The following CACNA2D3 variants were observed in gnomAD, a reference collection of about 807,000 sequenced individuals.
The protein encoded by CACNA2D3 is voltage-dependent calcium channel subunit alpha-2/delta-3.
A neutral mutation model predicts 160.6 loss-of-function variants in CACNA2D3; 60 were observed. The ratio of observed to expected loss-of-function variants is 0.37; its 90% confidence interval spans 0.30 to 0.46. The LOEUF (loss-of-function observed/expected upper bound fraction) is 0.46. Ranked by LOEUF, CACNA2D3 falls within the 20% of genes least tolerant of loss-of-function variation. CACNA2D3 has a pLI of 1.00. For missense variants in CACNA2D3, 1,205 were observed against 1,365.0 expected (o/e 0.88, Z 1.85); for synonymous variants, 558 against 492.9 (o/e 1.13, Z -1.75).
intron 27 of CACNA2D3, among the ~76,000 whole-genome samples, chr3:54,949,029 T>C (rs1039916848): frequency 2.0e-5 from 3 of 152,228 alleles, no homozygotes; most frequent in African/African-American, 4.8e-5. Flanking sequence ...GTCTCTTGTT[T>C]TACTTTTCTT....
intron 14 of CACNA2D3, among the ~76,000 whole-genome samples, chr3:54,829,102 CCA>C (rs961487252): frequency 2.2e-4 from 34 of 152,274 alleles, no homozygotes; most frequent in African/African-American, 7.9e-4. Context: ...AAATCCACAG[CCA>C]GAGTCAGATG....
At position 54,596,387 on chromosome 3, in the gene CACNA2D3, T is replaced by C. The variant is rs78798054; in HGVS notation, c.963+14510T>C. Among the ~76,000 whole-genome samples, 783 of 152,310 alleles carry C rather than the reference T, an allele frequency of 5.1e-3. 6 individuals carry two copies. Among genetic ancestry groups the C allele is most frequent in the African/African-American group, 0.018 (743 of 41,562 alleles). ...AGCACAGCTGCTTAGAGGACTTCCC[T>C]GCTTGCATTTCATCACCTTCCCCTT... On this transcript the variant is annotated intron_variant, in intron 9 of 37. Coordinates refer to ENST00000474759, the MANE Select transcript of CACNA2D3 (RefSeq NM_018398.3).
intron 11 of CACNA2D3, among the ~76,000 whole-genome samples, chr3:54,730,932 T>C (rs760293510): frequency 6.6e-6 from 1 of 152,222 alleles, no homozygotes; most frequent in Non-Finnish European, 1.5e-5. Context: ...TTTGGGTTGA[T>C]TTTCTAATTT....
At chr3:54,489,258 C>A (rs1269449189) in intron 4 of CACNA2D3, among the ~76,000 whole-genome samples, 1 of 152,116 alleles carries the variant, frequency 6.6e-6, no homozygotes, top group Non-Finnish European at 1.5e-5. Flanking sequence ...GCTCGCTATG[C>A]CATAAGGAGA....
chr3:54,830,203 A>G (rs1187617823), intron 14 of CACNA2D3, among the ~76,000 whole-genome samples: 1 of 152,096 alleles, frequency 6.6e-6, no homozygotes, highest in Non-Finnish European at 1.5e-5. Context: ...TTGGCCTCCC[A>G]AAGTGCTGGG....
intron 5 of CACNA2D3, among the ~76,000 whole-genome samples, chr3:54,558,358 A>G (rs1702271580): frequency 6.6e-6 from 1 of 152,008 alleles, no homozygotes; most frequent in African/African-American, 2.4e-5. Context: ...TTTGGCCATT[A>G]GCTGTTTTCT....
chr3:54,849,204 T>C (rs1002769092), intron 17 of CACNA2D3, among the ~76,000 whole-genome samples: 8 of 152,192 alleles, frequency 5.3e-5, no homozygotes, highest in Non-Finnish European at 1.5e-5. Flanking sequence ...ATGTGAGTCC[T>C]ACCATGTGAA....
rs143689931 is a variant in CACNA2D3, at chr3:54,912,431, G to A, written c.2449+12563G>A. Among the ~76,000 whole-genome samples the A allele has an allele frequency of 3.9e-5, 6 of 152,094 alleles. No individual in the cohort carries two copies. In the East Asian group the frequency reaches 1.2e-3, roughly 30 times the overall value. On this transcript the variant is annotated intron_variant, in intron 27 of 37. Coordinates refer to ENST00000474759, the MANE Select transcript of CACNA2D3 (RefSeq NM_018398.3). ...TGACCCCTATTACCCTCTAATCTCA[G>A]CTCCTTCTACTTCCCTTTTGCCCAC...
chr3:54,918,455 G>C (rs771886151), intron 27 of CACNA2D3: 2 of 1,593,628 alleles, frequency 1.3e-6, no homozygotes, highest in Admixed American at 1.7e-5. Context: ...TGAGACAAAA[G>C]CTCTCAGGCT....
intron 13 of CACNA2D3, among the ~76,000 whole-genome samples, chr3:54,809,307 C>CTTTTTTTTTTTTTTTTTTT (rs1417063441): frequency 1.4e-4 from 12 of 86,248 alleles, no homozygotes; most frequent in African/African-American, 1.6e-4. Flanking sequence ...TTCCTTCCTT[C>CTTTTTTTTTTTTTTTTTTT]TTTCTTTTTT....
At chr3:54,479,756 T>C (rs1182361173) in intron 4 of CACNA2D3, among the ~76,000 whole-genome samples, 6 of 152,232 alleles carry the variant, frequency 3.9e-5, no homozygotes. Context: ...TAAGCACTTA[T>C]CAAATATGTG....
intron 2 of CACNA2D3, among the ~76,000 whole-genome samples, chr3:54,209,199 G>A (rs929050423): frequency 1.3e-5 from 2 of 152,172 alleles, no homozygotes; most frequent in African/African-American, 4.8e-5. Context: ...CTGGAACCAA[G>A]GACTCACATA....
intron 11 of CACNA2D3, among the ~76,000 whole-genome samples, chr3:54,653,702 G>A (rs1223929179): frequency 6.6e-6 from 1 of 152,228 alleles, no homozygotes; most frequent in Non-Finnish European, 1.5e-5. Context: ...ATGCACGGCT[G>A]CTGCCAGCCA....
At chr3:54,298,078 C>A (rs1575379229) in intron 2 of CACNA2D3, among the ~76,000 whole-genome samples, 1 of 152,194 alleles carries the variant, frequency 6.6e-6, no homozygotes, top group Admixed American at 6.5e-5. Context: ...TGAGCGTAAG[C>A]CAAAGAGTAT....
In CACNA2D3 at chr3:54,980,361, A is replaced by G. The variant is rs185038499; in HGVS notation, c.2557-4247A>G. Among the ~76,000 whole-genome samples the G allele has an allele frequency of 3.3e-3, 505 of 152,314 alleles. 3 individuals carry two copies. The highest frequency in any genetic ancestry group is 0.011 in the African/African-American group (473 of 41,576). On this transcript the variant is annotated intron_variant, in intron 29 of 37. Transcript: ENST00000474759. ...AATACTACCTCTTTAACTTTAGTCA[A>G]TGTCCACACACAGAATTTCTTTTAC...
At chr3:54,822,534 C>G (rs542222020) in intron 14 of CACNA2D3, among the ~76,000 whole-genome samples, 1 of 152,296 alleles carries the variant, frequency 6.6e-6, no homozygotes, top group African/African-American at 2.4e-5. Flanking sequence ...GACCCCTTTT[C>G]CATGGCCCTA....
intron 13 of CACNA2D3, among the ~76,000 whole-genome samples, chr3:54,767,134 T>C (rs2107104880): frequency 6.6e-6 from 1 of 152,010 alleles, no homozygotes; most frequent in African/African-American, 2.4e-5. Context: ...CAGTTTTGAC[T>C]TTTGAAAGCA....
chr3:55,022,938 C>T (rs1287153497), intron 35 of CACNA2D3, among the ~76,000 whole-genome samples: 2 of 151,906 alleles, frequency 1.3e-5, no homozygotes, highest in Non-Finnish European at 2.9e-5. Flanking sequence ...ATTGCTGCTG[C>T]CTATAGTAAA....
intron 11 of CACNA2D3, among the ~76,000 whole-genome samples, chr3:54,680,761 T>C (rs1700330688): frequency 6.6e-6 from 1 of 152,134 alleles, no homozygotes; most frequent in South Asian, 2.1e-4. Flanking sequence ...TTTAAGACCT[T>C]TGGATGCTTG....
Sources: allele counts gnomAD v4.1 joint callset (sites outside exome capture counted in the v4.1 genomes callset), GRCh38; gene constraint gnomAD v4.1.1; transcripts MANE v1.5; gene names NCBI Gene and HGNC (gene_info 2026-07-23, HGNC 2026-07-21).